NOXA1: variants seen among roughly 807,000 people sequenced by gnomAD.
The protein encoded by NOXA1 is NADPH oxidase activator 1.
NOXA1 carries 56 observed loss-of-function variants against 64.8 expected under a neutral mutation model. The ratio of observed to expected loss-of-function variants is 0.86; its 90% CI spans 0.70 to 1.08. NOXA1 has a LOEUF of 1.08. Ranked by LOEUF, NOXA1 falls within the 50% of genes least tolerant of loss-of-function variation. The pLI, the probability that NOXA1 is intolerant of heterozygous loss-of-function variation, is 0.00. For missense variants in NOXA1, 668 were observed against 658.5 expected, an observed-to-expected ratio of 1.01 and a Z score of -0.16; for synonymous variants, 295 against 294.8, an observed-to-expected ratio of 1.00 and a Z score of -0.01.
intron 8 of NOXA1, among the ~76,000 whole-genome samples, chr9:137,432,457 G>T (rs1009634768): frequency 1.3e-5 from 2 of 152,162 alleles, no homozygotes; most frequent in African/African-American, 4.8e-5. Context: ...GCGGGCACCT[G>T]TAGTCCCAGC....
chr9:137,428,187 A>G lies in NOXA1; in HGVS notation c.369+46A>G, dbSNP rs1003137840. On this transcript the variant is annotated intron_variant, in intron 3 of 13. Transcript: ENST00000683555. ...CTGTGCTGCTGGCTGTGGGGTGTCC[A>G]CGGGCGGTGGCACTGTCACAGGAGG... 3 of 1,408,946 alleles carry G rather than the reference A, an allele frequency of 2.1e-6. No homozygotes were observed. In the Admixed American group the frequency reaches 5.9e-5, roughly 28 times the overall value. The allele number at this position is 1,408,946 out of a possible 1,614,324, so 87.3% of individuals were successfully genotyped here. A position where few individuals can be genotyped will look rare whatever the true frequency, so the allele number is the denominator to read the frequency against.
Position 137,423,447 on chromosome 9 carries a change from C to G in NOXA1, c.-83C>G. On this transcript the variant is annotated 5_prime_UTR_variant, in exon 1 of 14. Transcript: ENST00000683555. ...GCACCTCTGCCCGCCTCGGAGACCC[C>G]GCAGCCCCGCGCCGCCGCCTGGCCC... 3 of 959,896 alleles carry G rather than the reference C, an allele frequency of 3.1e-6. No homozygotes were observed. Among genetic ancestry groups the G allele is most frequent in the Non-Finnish European group, 4.0e-6 (3 of 754,160 alleles). 59.5% of individuals were successfully genotyped at this position (959,896 alleles called of 1,614,324 possible).
intron 1 of NOXA1, among the ~76,000 whole-genome samples, chr9:137,425,477 C>T (rs1838814941): frequency 6.6e-6 from 1 of 152,160 alleles, no homozygotes; most frequent in African/African-American, 2.4e-5. Context: ...CCTCTACCTC[C>T]CGGGTTCAAG....
In NOXA1 at chr9:137,433,227, TGGCCCCGGCCCCTGTG is replaced by T; in HGVS notation, c.874_889del (p.Gly292ArgfsTer18). 6.2e-7 allele frequency: 1 copy of T among 1,604,896 alleles called. No homozygotes were observed. The highest frequency in any genetic ancestry group is 8.5e-7 in the Non-Finnish European group (1 of 1,176,698). On this transcript the variant is annotated frameshift_variant, in exon 10 of 14. Coordinates refer to ENST00000683555, the MANE Select transcript of NOXA1 (RefSeq NM_001256067.2). LOFTEE classifies it high-confidence loss of function. ...CAGGGCTGCCGGCAATGGGGGGGCC[TGGCCCCGGCCCCTGTG>T]AGGACCCCGCGGGTGCTGGGGTAAG...
Position 137,431,270 on chromosome 9 carries a change from C to G in NOXA1, c.733C>G (p.His245Asp). 6.2e-7 allele frequency: 1 copy of G among 1,612,852 alleles called. No individual in the cohort carries two copies. The highest frequency in any genetic ancestry group is 8.5e-7 in the Non-Finnish European group (1 of 1,179,948). ...LIMDSPRAGT[H>D]QGPLDAETEV... The stretch of plus-strand genomic sequence containing the variant: ...CATGGACTCCCCAAGAGCTGGCACC[C>G]ACCAGGGCCCCCTCGATGCAGAGAC... The change falls in exon 8 of 14, where the codon CAC (histidine) becomes GAC (aspartate). Residue 245 changes from histidine (H) to aspartate (D), a missense_variant. Transcript: ENST00000683555. The surrounding 1 kb of genome is among the most constrained non-coding windows in gnomAD (Gnocchi z 5.6).
Position 137,423,712 on chromosome 9 carries a change from C to T in NOXA1, c.177+6C>T, listed in dbSNP as rs1473631996. On this transcript the variant is annotated splice_donor_region_variant and intron_variant, in intron 1 of 13. Coordinates refer to ENST00000683555, the MANE Select transcript of NOXA1 (RefSeq NM_001256067.2). Reference sequence around the variant, plus strand: ...ACCCCGAGGCCGCGCTGCGGGTGAGCGGGGCGTGGGGAGGCCGGTGCGGGC... The same window carrying T: ...ACCCCGAGGCCGCGCTGCGGGTGAGTGGGGCGTGGGGAGGCCGGTGCGGGC... The T allele has an allele frequency of 2.2e-5, 28 of 1,298,228 alleles. No individual in the cohort carries two copies. Among genetic ancestry groups the T allele is most frequent in the Non-Finnish European group, 2.6e-5 (27 of 1,025,694 alleles). 80.4% of individuals were successfully genotyped at this position (1,298,228 alleles called of 1,614,324 possible). A position where few individuals can be genotyped will look rare whatever the true frequency, so the allele number is the denominator to read the frequency against.
rs1228247411 is a variant in NOXA1, at chr9:137,430,830, C to T, written c.659C>T (p.Pro220Leu). 1.9e-6 allele frequency: 3 copies of T among 1,588,412 alleles called. No individual in the cohort carries two copies. Among genetic ancestry groups the T allele is most frequent in the African/African-American group, 1.3e-5 (1 of 74,448 alleles). Residue 220 changes from proline to leucine, a missense_variant, in exon 6 of 14, where the codon CCT becomes CTT. Coordinates refer to ENST00000683555, the MANE Select transcript of NOXA1 (RefSeq NM_001256067.2). ...IPDDQGWGVR[P>L]QQPQGPGANH... ...GACGACCAGGGCTGGGGCGTCCGCC[C>T]TCAGCAGCCACAGGTGGGTTTGCGG...
chr9:137,433,548 C>T lies in NOXA1; in HGVS notation c.1005C>T (p.Ser335=). 4 of 1,578,904 alleles carry T rather than the reference C, an allele frequency of 2.5e-6. No individual in the cohort carries two copies. Among genetic ancestry groups the T allele is most frequent in the Non-Finnish European group, 3.4e-6 (4 of 1,165,074 alleles). ...ALRARRGADL[S]SLRALLGQAL... ...GGGCACGAAGAGGAGCCGACCTGTC[C>T]AGCCTGCGGGCACTGCTGGGCCAAG... Residue 335 remains serine (S), a synonymous_variant, in exon 11 of 14, where the codon TCC becomes TCT. Transcript: ENST00000683555.
intron 1 of NOXA1, among the ~76,000 whole-genome samples, chr9:137,424,597 G>A (rs1038417464): frequency 2.6e-5 from 4 of 152,024 alleles, no homozygotes; most frequent in South Asian, 2.1e-4. Context: ...CCACTACCAC[G>A]CCTGGCTAAT....
At chr9:137,429,472 G>C (rs1290877063) in intron 5 of NOXA1, 89 bp downstream of exon 5, 1 of 929,668 alleles carries the variant, frequency 1.1e-6, no homozygotes, top group Non-Finnish European at 1.7e-6. Flanking sequence ...TGCAGTCCAG[G>C]CCACCGTAAG....
intron 11 of NOXA1, 21 bp downstream of exon 11, chr9:137,433,628 T>A: frequency 6.5e-7 from 1 of 1,533,438 alleles, no homozygotes. Context: ...AAGCCCCCGG[T>A]GGCTGCGGTG....
At chr9:137,426,096 C>A in intron 1 of NOXA1, 152 bp from the exon 2 acceptor site, 1 of 675,718 alleles carries the variant, frequency 1.5e-6, no homozygotes, top group Non-Finnish European at 2.6e-6. Flanking sequence ...CAGGCAGGGG[C>A]TCCGAAGGTT....
In NOXA1 at chr9:137,423,422, GC is replaced by G. The variant is rs1838657314; in HGVS notation, c.-107del. ...GGGTTGCACCTGGCGCTTGGCGCCCGCACCTCTGCCCGCCTCGGAGACCCCG... is the reference window on the plus strand; with the variant it reads ...GGGTTGCACCTGGCGCTTGGCGCCCGACCTCTGCCCGCCTCGGAGACCCCG... On this transcript the variant is annotated 5_prime_UTR_variant, in exon 1 of 14. Coordinates refer to ENST00000683555, the MANE Select transcript of NOXA1 (RefSeq NM_001256067.2). 1 of 665,458 alleles carries G rather than the reference GC, an allele frequency of 1.5e-6. No individual in the cohort carries two copies. Among genetic ancestry groups the G allele is most frequent in the African/African-American group, 1.9e-5 (1 of 51,524 alleles). The allele number at this position is 665,458 out of a possible 1,614,324, so 41.2% of individuals were successfully genotyped here.
chr9:137,426,408 CT>C, intron 2 of NOXA1, 78 bp downstream of exon 2: 1 of 1,192,150 alleles, frequency 8.4e-7, no homozygotes, highest in Non-Finnish European at 1.3e-6. Flanking sequence ...CCTCCTCCTC[CT>C]CCCTCTCCAT....
chr9:137,429,280 G>A lies in NOXA1; in HGVS notation c.509G>A (p.Arg170Gln), dbSNP rs772124502. The A allele has an allele frequency of 2.5e-5, 39 of 1,553,678 alleles. No individual in the cohort carries two copies. The highest frequency in any genetic ancestry group is 9.8e-5 in the Admixed American group (5 of 50,990). The change falls in exon 5 of 14, where the codon CGG (arginine) becomes CAG (glutamine). Residue 170 changes from arginine (R) to glutamine (Q), a missense_variant. Coordinates refer to ENST00000683555, the MANE Select transcript of NOXA1 (RefSeq NM_001256067.2). The part of the protein sequence containing the change: ...LDSALDQVQR[R>Q]GSLPPRQVPR... ...CTGGATACCCACCCCCTCCAGAGAC[G>A]GGGCTCACTGCCGCCACGGCAGGTC...
Position 137,433,979 on chromosome 9 carries a change from G to A in NOXA1, c.1194G>A (p.Arg398=), listed in dbSNP as rs575888981. ...TCCTGCCTCAGGGAGCCGGGGGTCGGCCGGTCCTCTACCAGGTGGTGGCCC... is the reference window on the plus strand; with the variant it reads ...TCCTGCCTCAGGGAGCCGGGGGTCGACCGGTCCTCTACCAGGTGGTGGCCC... ...LQLQCRGAGG[R]PVLYQVVAQH... is the part of the protein sequence containing the mutation. The change falls in exon 13 of 14, where the codon CGG becomes CGA. Residue 398 remains arginine (R), a synonymous_variant. Coordinates refer to ENST00000683555, the MANE Select transcript of NOXA1 (RefSeq NM_001256067.2). 2.6e-6 allele frequency: 4 copies of A among 1,550,350 alleles called. No individual in the cohort carries two copies. The South Asian group carries it at 3.5e-5, about 14-fold the overall frequency.
In NOXA1 at chr9:137,431,392, C is replaced by G; in HGVS notation, c.804+51C>G. ...TGCTGGGGGTCGGTGCTTCTGCTGC[C>G]TCCGCAGACTGGGGACCACAATGGG... On this transcript the variant is annotated intron_variant, in intron 8 of 13. Transcript: ENST00000683555. This position sits in a 1 kb window ranked among gnomAD's most constrained non-coding sequence, Gnocchi z 5.6. The G allele has an allele frequency of 7.0e-7, 1 of 1,434,694 alleles. No individual in the cohort carries two copies. Among genetic ancestry groups the G allele is most frequent in the Non-Finnish European group, 9.7e-7 (1 of 1,031,272 alleles). The allele number at this position is 1,434,694 out of a possible 1,614,324, so 88.9% of individuals were successfully genotyped here.
chr9:137,429,338 G>A lies in NOXA1; in HGVS notation c.567G>A (p.Trp189Ter). Residue 189 changes from tryptophan (W) to a stop codon, truncating the protein, a stop_gained, in exon 5 of 14, where the codon TGG (tryptophan) becomes TGA (stop). Coordinates refer to ENST00000683555, the MANE Select transcript of NOXA1 (RefSeq NM_001256067.2). LOFTEE classifies it high-confidence loss of function. ...PRGEVFRPHR[W>*]HLKHLEPVDF... ...GCGAGGTCTTCCGGCCCCACCGGTG[G>A]CACCTGAAGCACTTGGAGCCCGTGG... is the stretch of plus-strand genomic sequence containing the variant. The A allele has an allele frequency of 6.3e-7, 1 of 1,584,848 alleles. No homozygotes were observed. Among genetic ancestry groups the A allele is most frequent in the Non-Finnish European group, 8.6e-7 (1 of 1,167,040 alleles).
intron 3 of NOXA1, 127 bp downstream of exon 3, chr9:137,428,268 T>C (rs771252012): frequency 2.0e-5 from 13 of 665,484 alleles, no homozygotes; most frequent in Non-Finnish European, 3.3e-5. Context: ...TGGAATACCC[T>C]GGCCACTCCT....
Sources: allele counts gnomAD v4.1 joint callset (sites outside exome capture counted in the v4.1 genomes callset), GRCh38; gene constraint gnomAD v4.1.1; non-coding constraint Gnocchi (gnomAD v3.1); transcripts MANE v1.5; gene names NCBI Gene and HGNC (gene_info 2026-07-23, HGNC 2026-07-21).